The following SAMD5 variants were observed in gnomAD, a reference collection of about 807,000 sequenced individuals.
SAMD5 encodes sterile alpha motif domain-containing protein 5.
A neutral mutation model predicts 11.3 loss-of-function variants in SAMD5; 13 were observed. The ratio of observed to expected loss-of-function variants is 1.15; its 90% CI spans 0.75 to 1.83. The LOEUF (loss-of-function observed/expected upper bound fraction) is 1.83. SAMD5 is among the 40% of genes most tolerant of loss of function. The pLI is 0.00. For missense variants in SAMD5, 255 were observed against 239.1 expected, an observed-to-expected ratio of 1.07 and a Z score of -0.44; for synonymous variants, 129 against 111.3, an observed-to-expected ratio of 1.16 and a Z score of -1.00.
Position 147,546,530 on chromosome 6 carries a change from C to CA in SAMD5, c.460-17851dup, listed in dbSNP as rs752623961. 1.5e-3 allele frequency among the ~76,000 whole-genome samples: 166 copies of CA among 112,160 alleles called. 6 individuals carry two copies. Among genetic ancestry groups the CA allele is most frequent in the Non-Finnish European group, 1.7e-3 (97 of 57,468 alleles). The allele number at this position is 112,160 out of a possible 152,430, so 73.6% of individuals were successfully genotyped here. On this transcript the variant is annotated intron_variant, in intron 1 of 1. Transcript: ENST00000367474. ...GGGCAACAAGAGCGAAACTCTGTCT[C>CA]AAAAAAAAAAAAATAGAGTGAGGCC...
intron 1 of SAMD5, among the ~76,000 whole-genome samples, chr6:147,645,895 C>A (rs983084309): frequency 6.6e-6 from 1 of 152,196 alleles, no homozygotes; most frequent in Non-Finnish European, 1.5e-5. Flanking sequence ...CGGGCCGGAA[C>A]TGGCTCTCGG....
the SAMD5 span, among the ~76,000 whole-genome samples, chr6:147,804,709 T>G: frequency 6.6e-6 from 1 of 152,226 alleles, no homozygotes; most frequent in African/African-American, 2.4e-5. Flanking sequence ...TTTCTTAGGC[T>G]GCGTAACATT....
At chr6:147,515,688 A>G (rs1361265064) in intron 1 of SAMD5, among the ~76,000 whole-genome samples, 1 of 152,118 alleles carries the variant, frequency 6.6e-6, no homozygotes, top group Admixed American at 6.5e-5. Flanking sequence ...TCACAATTGC[A>G]AGGAACTAGA....
At chr6:147,535,493 C>T (rs1046796895) in intron 1 of SAMD5, among the ~76,000 whole-genome samples, 1 of 152,150 alleles carries the variant, frequency 6.6e-6, no homozygotes, top group Non-Finnish European at 1.5e-5. Context: ...CAACAGTGTA[C>T]TATAGTTTTT....
intron 1 of SAMD5, among the ~76,000 whole-genome samples, chr6:147,582,354 G>A (rs1789311985): frequency 6.6e-6 from 1 of 151,746 alleles, no homozygotes. Flanking sequence ...AAAAGGAAAG[G>A]ATGGGTGTGG....
At chr6:147,761,586 T>C in the SAMD5 span, among the ~76,000 whole-genome samples, 1 of 152,336 alleles carries the variant, frequency 6.6e-6, no homozygotes, top group African/African-American at 2.4e-5. Flanking sequence ...ATGCTAACTT[T>C]AGAACTTTAT....
the SAMD5 span, among the ~76,000 whole-genome samples, chr6:147,920,259 T>C: frequency 6.6e-6 from 1 of 152,186 alleles, no homozygotes; most frequent in Non-Finnish European, 1.5e-5. Context: ...GTGGAAGGAC[T>C]TGACTTGCTG....
At chr6:147,531,912 T>C (rs947924471) in intron 1 of SAMD5, among the ~76,000 whole-genome samples, 4 of 152,186 alleles carry the variant, frequency 2.6e-5, no homozygotes, top group Non-Finnish European at 5.9e-5. Context: ...AGGAGAATTA[T>C]ACTCAATATA....
chr6:147,645,406 A>G (rs1790382987), intron 1 of SAMD5, among the ~76,000 whole-genome samples: 1 of 152,160 alleles, frequency 6.6e-6, no homozygotes, highest in Admixed American at 6.5e-5. Flanking sequence ...ACGCAATATA[A>G]TTTTAAAGCA....
Position 147,567,889 on chromosome 6 carries a change from C to T in SAMD5, c.*3433C>T. On this transcript the variant is annotated 3_prime_UTR_variant, in exon 2 of 2. Transcript: ENST00000367474. ...TTTGATTTAAGGAAACAATAACACT[C>T]CATCCTGGGCAACAGAGCAAGATCC... The T allele has an allele frequency of 2.0e-6, 2 of 985,570 alleles. No homozygotes were observed. Among genetic ancestry groups the T allele is most frequent in the Non-Finnish European group, 2.4e-6 (2 of 830,060 alleles). The allele number at this position is 985,570 out of a possible 1,614,324, so 61.1% of individuals were successfully genotyped here.
chr6:147,514,708 A>AT (rs1250784136), intron 1 of SAMD5, among the ~76,000 whole-genome samples: 2 of 152,154 alleles, frequency 1.3e-5, no homozygotes, highest in African/African-American at 2.4e-5. Context: ...AGGCATCTAG[A>AT]TTTTTTCACT....
At chr6:147,696,761 G>C (rs553175748) in intron 1 of SAMD5, among the ~76,000 whole-genome samples, 8 of 152,282 alleles carry the variant, frequency 5.3e-5, no homozygotes, top group Non-Finnish European at 8.8e-5. Context: ...GGATTAAAAT[G>C]TGGACTGGAT....
chr6:147,806,813 T>A, the SAMD5 span, among the ~76,000 whole-genome samples: 2 of 152,144 alleles, frequency 1.3e-5, no homozygotes, highest in East Asian at 3.9e-4. Flanking sequence ...AGGATCATAT[T>A]TGAAGATTGT....
the SAMD5 span, among the ~76,000 whole-genome samples, chr6:147,744,144 A>C: frequency 1.1e-4 from 16 of 152,220 alleles, no homozygotes; most frequent in Non-Finnish European, 1.6e-4. Flanking sequence ...TGAACATTTA[A>C]TATTCTTTCA....
intron 1 of SAMD5, among the ~76,000 whole-genome samples, chr6:147,619,115 C>T (rs1019627161): frequency 1.3e-5 from 2 of 152,202 alleles, no homozygotes; most frequent in Non-Finnish European, 2.9e-5. Flanking sequence ...GAAAAGCTGG[C>T]TGTCTTGCTC....
intron 1 of SAMD5, among the ~76,000 whole-genome samples, chr6:147,698,495 A>G (rs1215759376): frequency 6.6e-6 from 1 of 152,142 alleles, no homozygotes; most frequent in Non-Finnish European, 1.5e-5. Context: ...TGTGGAAAAA[A>G]ATAATATTCA....
chr6:147,529,439 C>T (rs761189293), intron 1 of SAMD5, among the ~76,000 whole-genome samples: 13 of 152,138 alleles, frequency 8.5e-5, no homozygotes, highest in Admixed American at 2.0e-4. Context: ...TATTTATCTT[C>T]TAGAATTGAA....
rs532981254 is a variant in SAMD5 at position 147,718,587 on chromosome 6, A to C, written c.163-18730A>C. 4.0e-5 allele frequency among the ~76,000 whole-genome samples: 6 copies of C among 149,598 alleles called. No individual in the cohort carries two copies. The South Asian group carries it at 1.4e-3, about 35-fold the overall frequency. On this transcript the variant is annotated intron_variant, in intron 1 of 1. Coordinates refer to the SAMD5 transcript ENST00000566741. ...GGTTAAGCAAAGTAAATCCAAAGAC[A>C]TATAGAAACTTCAAGGAATTGATGG...
At chr6:147,883,383 T>G in the SAMD5 span, among the ~76,000 whole-genome samples, 1 of 152,212 alleles carries the variant, frequency 6.6e-6, no homozygotes, top group African/African-American at 2.4e-5. Context: ...TTTGGCATTA[T>G]GATGCTCTAA....
Sources: gnomAD v4.1 joint callset for allele counts (sites outside exome capture counted in the v4.1 genomes callset) on GRCh38, gnomAD v4.1.1 for gene constraint, MANE v1.5 for transcripts, NCBI Gene and HGNC (gene_info 2026-07-23, HGNC 2026-07-21) for gene names.